CTNNA2: variants seen among roughly 807,000 people sequenced by gnomAD.
CTNNA2 encodes the protein catenin alpha-2.
CTNNA2 carries 42 observed loss-of-function variants against 101.0 expected under a neutral mutation model. That is an observed-to-expected ratio of 0.42 (90% CI 0.32 to 0.54). CTNNA2 has a LOEUF of 0.54. Among genes scored for constraint, CTNNA2 ranks in the 20% least tolerant of loss-of-function variants. The pLI, the probability that CTNNA2 is intolerant of heterozygous loss-of-function variation, is 0.14. For synonymous variants in CTNNA2, 450 were observed against 456.4 expected, an observed-to-expected ratio of 0.99 and a Z score of 0.18; for missense variants, 871 against 1,223.1, an observed-to-expected ratio of 0.71 and a Z score of 4.29.
In CTNNA2 at chr2:79,948,769, C is replaced by T. The variant is rs536410908; in HGVS notation, c.1056+38972C>T. 1.3e-4 allele frequency among the ~76,000 whole-genome samples: 20 copies of T among 152,218 alleles called. No individual in the cohort carries two copies. In the South Asian group the frequency reaches 3.9e-3, roughly 30 times the overall value. ...GGATCACGAGGCCAGGAGATGGACA[C>T]CATCCTGGCTAACACGGGGAAACCC... On this transcript the variant is annotated intron_variant, in intron 7 of 18. Coordinates refer to ENST00000402739, the MANE Select transcript of CTNNA2 (RefSeq NM_001282597.3).
chr2:79,581,724 A>G (rs560510894), intron 1 of CTNNA2, among the ~76,000 whole-genome samples: 24 of 152,338 alleles, frequency 1.6e-4, no homozygotes, highest in Non-Finnish European at 3.4e-4. Context: ...AGGTATGCAT[A>G]CAAAACTGAA....
intron 1 of CTNNA2, among the ~76,000 whole-genome samples, chr2:79,522,200 C>T (rs1672155189): frequency 6.6e-6 from 1 of 152,210 alleles, no homozygotes; most frequent in Non-Finnish European, 1.5e-5. Flanking sequence ...TCTCCTGTGT[C>T]ATTGCTGGGC....
chr2:79,335,360 A>C (rs576953332), intron 3 of CTNNA2, among the ~76,000 whole-genome samples: 3 of 152,274 alleles, frequency 2.0e-5, no homozygotes. Flanking sequence ...TTTTCCAAAG[A>C]CTCACAGCAA....
At position 80,431,116 on chromosome 2, in the gene CTNNA2, T is replaced by A. The variant is rs540410123; in HGVS notation, c.1290+11515T>A. ...AGGGATTTTTAATGTCACAAAGCCT[T>A]CTAGCCAGCCTGAAGCCATAGTTGG... On this transcript the variant is annotated intron_variant, in intron 9 of 18. Transcript: ENST00000402739. Among the ~76,000 whole-genome samples the A allele has an allele frequency of 2.0e-5, 3 of 152,306 alleles. No individual in the cohort carries two copies. In the South Asian group the frequency reaches 6.2e-4, roughly 32 times the overall value.
intron 1 of CTNNA2, among the ~76,000 whole-genome samples, chr2:79,577,685 T>G (rs1321951207): frequency 6.6e-6 from 1 of 152,124 alleles, no homozygotes; most frequent in Non-Finnish European, 1.5e-5. Flanking sequence ...CTCCCATGAT[T>G]TTGAAACCTT....
intron 2 of CTNNA2, among the ~76,000 whole-genome samples, chr2:79,202,620 T>C (rs1674051951): frequency 6.6e-6 from 1 of 152,212 alleles, no homozygotes; most frequent in South Asian, 2.1e-4. Context: ...TCTGTCACCA[T>C]TTTCTTTAAT....
intron 15 of CTNNA2, among the ~76,000 whole-genome samples, chr2:80,593,621 C>A (rs1558625065): frequency 6.6e-6 from 1 of 152,096 alleles, no homozygotes; most frequent in Non-Finnish European, 1.5e-5. Context: ...GTTCATCTTC[C>A]TCAACAGATA....
At chr2:80,304,562 T>G (rs1162891343) in intron 7 of CTNNA2, 1 of 152,372 alleles carries the variant, frequency 6.6e-6, no homozygotes, top group Non-Finnish European at 1.5e-5. Flanking sequence ...GGAAACAGCC[T>G]GCCATTCGCG....
intron 7 of CTNNA2, chr2:80,163,236 A>G: frequency 2.4e-6 from 2 of 817,096 alleles, no homozygotes; most frequent in East Asian, 2.6e-5. Flanking sequence ...ATAGTAGATT[A>G]TATTGATTGA....
intron 2 of CTNNA2, among the ~76,000 whole-genome samples, chr2:79,685,899 G>A (rs1683899325): frequency 6.6e-6 from 1 of 152,132 alleles, no homozygotes; most frequent in African/African-American, 2.4e-5. Context: ...GTAATGCAGT[G>A]TTGGAAATAC....
chr2:80,589,501 A>T lies in CTNNA2; in HGVS notation c.2189+16A>T. ...ACTTCACAAGGTGAGGCCCAGAGCC[A>T]GGGAGCTGAAGATTTTTTCATTAAA... On this transcript the variant is annotated intron_variant, in intron 15 of 18. Transcript: ENST00000402739. 2 of 1,607,080 alleles carry T rather than the reference A, an allele frequency of 1.2e-6. No homozygotes were observed. The highest frequency in any genetic ancestry group is 1.7e-6 in the Non-Finnish European group (2 of 1,175,580).
chr2:80,262,084 A>C (rs1364648933), intron 7 of CTNNA2, among the ~76,000 whole-genome samples: 1 of 152,206 alleles, frequency 6.6e-6, no homozygotes, highest in Admixed American at 6.5e-5. Context: ...TAGAAAAACT[A>C]GAATAAATAT....
intron 7 of CTNNA2, among the ~76,000 whole-genome samples, chr2:80,053,969 A>C (rs920929648): frequency 6.6e-6 from 1 of 152,276 alleles, no homozygotes; most frequent in African/African-American, 2.4e-5. Flanking sequence ...TTTTGTTTAC[A>C]AGTATTCATT....
At chr2:79,465,617 T>C (rs1418843632) in intron 4 of CTNNA2, among the ~76,000 whole-genome samples, 1 of 152,226 alleles carries the variant, frequency 6.6e-6, no homozygotes, top group Non-Finnish European at 1.5e-5. Context: ...TCCATGAGCA[T>C]GGAATGTTCT....
At chr2:79,874,953 T>C (rs1055341771) in intron 6 of CTNNA2, among the ~76,000 whole-genome samples, 18 of 152,236 alleles carry the variant, frequency 1.2e-4, no homozygotes, top group African/African-American at 4.3e-4. Context: ...GCAGCCTAGA[T>C]GTACGTTGCC....
intron 1 of CTNNA2, among the ~76,000 whole-genome samples, chr2:79,197,780 GGTT>G (rs891515041): frequency 6.6e-6 from 1 of 152,030 alleles, no homozygotes; most frequent in South Asian, 2.1e-4. Context: ...TTTTTGTTGT[GGTT>G]GTTGTTGTTG....
rs184376585 is a variant in CTNNA2, at chr2:79,604,424, G to A, written c.-5-47128G>A. Among the ~76,000 whole-genome samples the A allele has an allele frequency of 5.3e-5, 8 of 152,278 alleles. No homozygotes were observed. The East Asian group carries it at 1.5e-3, about 29-fold the overall frequency. On this transcript the variant is annotated intron_variant, in intron 1 of 18. Transcript: ENST00000402739. The stretch of plus-strand genomic sequence containing the variant: ...CTACTAGACTGAGGGAGTTTTCGGG[G>A]AACACCAGGGGAAAGGCATTCCAGT...
intron 3 of CTNNA2, among the ~76,000 whole-genome samples, chr2:79,832,147 C>A (rs1376748047): frequency 6.6e-6 from 1 of 152,190 alleles, no homozygotes; most frequent in Non-Finnish European, 1.5e-5. Context: ...ACACTTGGCA[C>A]AGTTCTGAAA....
At chr2:79,286,066 A>C (rs1188577987) in intron 2 of CTNNA2, among the ~76,000 whole-genome samples, 3 of 151,446 alleles carry the variant, frequency 2.0e-5, no homozygotes, top group Non-Finnish European at 2.9e-5. Flanking sequence ...ATCAGAGACT[A>C]GGATTGCAAC....
Sources: allele counts gnomAD v4.1 joint callset (sites outside exome capture counted in the v4.1 genomes callset), GRCh38; gene constraint gnomAD v4.1.1; transcripts MANE v1.5; gene names NCBI Gene and HGNC (gene_info 2026-07-23, HGNC 2026-07-21).